Variants in RBM47 observed in about 807,000 individuals in gnomAD.
The protein encoded by RBM47 is RNA binding motif protein 47, also known as RNA-binding protein 47.
A neutral mutation model predicts 47.1 loss-of-function variants in RBM47; 21 were observed. The observed-to-expected ratio is 0.45, with a 90% CI of 0.32 to 0.64. The LOEUF (loss-of-function observed/expected upper bound fraction) is 0.64. RBM47 is among the 30% of genes least tolerant of loss of function. The pLI is 0.05. For missense variants in RBM47, 708 were observed against 870.9 expected, an observed-to-expected ratio of 0.81 and a Z score of 2.35; for synonymous variants, 375 against 361.7, an observed-to-expected ratio of 1.04 and a Z score of -0.42.
intron 1 of RBM47, among the ~76,000 whole-genome samples, chr4:40,581,411 A>C (rs1315413223): frequency 6.7e-6 from 1 of 150,022 alleles, no homozygotes; most frequent in Non-Finnish European, 1.5e-5. Flanking sequence ...ACAGAGCGAG[A>C]ACTTGTCTCA....
intron 1 of RBM47, among the ~76,000 whole-genome samples, chr4:40,566,060 C>G (rs1343793471): frequency 6.6e-6 from 1 of 151,720 alleles, no homozygotes; most frequent in East Asian, 1.9e-4. Flanking sequence ...AGAGCAAGAC[C>G]CTGTCTCAAC....
intron 3 of RBM47, among the ~76,000 whole-genome samples, chr4:40,447,809 G>A (rs1213895544): frequency 2.6e-5 from 4 of 152,156 alleles, no homozygotes; most frequent in Admixed American, 2.0e-4. Flanking sequence ...AGGAGATCGA[G>A]ACCATCCTGG....
chr4:40,577,887 T>C (rs1732493238), intron 1 of RBM47, among the ~76,000 whole-genome samples: 2 of 152,182 alleles, frequency 1.3e-5, no homozygotes, highest in African/African-American at 4.8e-5. Flanking sequence ...GGTGCGTGCG[T>C]GTAGTCCCAG....
chr4:40,622,182 T>C (rs1394928584), intron 1 of RBM47, among the ~76,000 whole-genome samples: 2 of 152,132 alleles, frequency 1.3e-5, no homozygotes, highest in East Asian at 1.9e-4. Flanking sequence ...AGACAGATAA[T>C]AGGTCACACA....
At chr4:40,481,514 C>G (rs1720420313) in intron 2 of RBM47, among the ~76,000 whole-genome samples, 1 of 146,930 alleles carries the variant, frequency 6.8e-6, no homozygotes, top group African/African-American at 2.5e-5. Context: ...GAGATGTACT[C>G]AAGCCCTGGG....
At chr4:40,598,848 CAAA>C (rs34007215) in intron 1 of RBM47, among the ~76,000 whole-genome samples, 84,942 of 137,818 alleles carry the variant, frequency 0.62, 26,547 homozygotes, top group Non-Finnish European at 0.71. Flanking sequence ...CTTGTAAAAC[CAAA>C]AAAAAAAAAA....
Position 40,438,736 on chromosome 4 carries a change from C to T in RBM47, c.158G>A (p.Arg53His). Residue 53 changes from arginine to histidine, a missense_variant, in exon 4 of 7, where the codon CGC (arginine) becomes CAC (histidine). Arg to His is a conservative substitution (Grantham distance 29, BLOSUM62 0). Coordinates refer to ENST00000295971, the MANE Select transcript of RBM47 (RefSeq NM_001098634.2). Reference sequence around the variant, plus strand: ...GCCGGGCGGTGGGCCGCCGTACTTGCGCTGCCCGTTCTCTTGCACCATGCT... The same window carrying T: ...GCCGGGCGGTGGGCCGCCGTACTTGTGCTGCCCGTTCTCTTGCACCATGCT... Reference protein sequence around the residue: ...GYSMVQENGQRKYGGPPPGWE... With the variant: ...GYSMVQENGQHKYGGPPPGWE... 2.5e-6 allele frequency: 4 copies of T among 1,602,740 alleles called. No homozygotes were observed. Among genetic ancestry groups the T allele is most frequent in the Non-Finnish European group, 2.5e-6 (3 of 1,176,744 alleles).
At position 40,629,545 on chromosome 4, in the gene RBM47, A is replaced by T. The variant is rs1456452609; in HGVS notation, c.-389T>A. The stretch of plus-strand genomic sequence containing the variant: ...AAACCAAAATAAGGAGTGTCCAGCG[A>T]CTCCCCACCGCGCCGCTTAAAGCAA... On this transcript the variant is annotated 5_prime_UTR_variant, in exon 1 of 7. Transcript: ENST00000295971. 1.3e-5 allele frequency: 2 copies of T among 150,930 alleles called. No homozygotes were observed. Among genetic ancestry groups the T allele is most frequent in the African/African-American group, 4.9e-5 (2 of 40,962 alleles). The allele number at this position is 150,930 out of a possible 1,614,324, so 9.3% of individuals were successfully genotyped here. A position where few individuals can be genotyped will look rare whatever the true frequency, so the allele number is the denominator to read the frequency against.
chr4:40,484,136 T>C (rs1720781948), intron 2 of RBM47, among the ~76,000 whole-genome samples: 1 of 152,306 alleles, frequency 6.6e-6, no homozygotes, highest in Admixed American at 6.5e-5. Flanking sequence ...TTATGTAGGG[T>C]ACAATTTCTA....
intron 2 of RBM47, among the ~76,000 whole-genome samples, chr4:40,487,365 G>A (rs1032955649): frequency 3.9e-5 from 6 of 151,976 alleles, no homozygotes; most frequent in African/African-American, 1.5e-4. Flanking sequence ...GCGCGATCTC[G>A]GCTCACTGCA....
intron 2 of RBM47, among the ~76,000 whole-genome samples, chr4:40,484,318 C>A (rs144928271): frequency 3.1e-4 from 47 of 152,194 alleles, no homozygotes; most frequent in Admixed American, 1.2e-3. Flanking sequence ...TTTGATAAAA[C>A]GAACCTATTT....
chr4:40,603,487 T>C (rs4861279), intron 1 of RBM47, among the ~76,000 whole-genome samples: 44,754 of 152,038 alleles, frequency 0.29, 7,763 homozygotes, highest in Non-Finnish European at 0.37. Context: ...ATCACTGAGT[T>C]ATAATGTACA....
chr4:40,457,126 A>T lies in RBM47; in HGVS notation c.-32+9451T>A, dbSNP rs553922245. ...AAAAGATAGAATTTTAAAAAATTTT[A>T]AAATTTGTGGGGGTCGGGCGTGGTG... On this transcript the variant is annotated intron_variant, in intron 3 of 6. Coordinates refer to ENST00000295971, the MANE Select transcript of RBM47 (RefSeq NM_001098634.2). 2.6e-5 allele frequency among the ~76,000 whole-genome samples: 4 copies of T among 152,134 alleles called. No individual in the cohort carries two copies. In the South Asian group the frequency reaches 8.3e-4, roughly 32 times the overall value.
intron 2 of RBM47, among the ~76,000 whole-genome samples, chr4:40,522,137 A>G (rs898457651): frequency 2.0e-5 from 3 of 152,256 alleles, no homozygotes; most frequent in Non-Finnish European, 4.4e-5. Flanking sequence ...AAGATGGGCC[A>G]ACCAATTTTA....
intron 3 of RBM47, among the ~76,000 whole-genome samples, chr4:40,456,273 G>A (rs944068611): frequency 6.6e-6 from 1 of 152,174 alleles, no homozygotes; most frequent in African/African-American, 2.4e-5. Context: ...AGGTTTAAGA[G>A]AGAAACCCGG....
chr4:40,491,476 A>C (rs1193192400), intron 2 of RBM47, among the ~76,000 whole-genome samples: 1 of 152,192 alleles, frequency 6.6e-6, no homozygotes, highest in Non-Finnish European at 1.5e-5. Context: ...AAAAGAAAAA[A>C]TAATGAAATT....
intron 3 of RBM47, among the ~76,000 whole-genome samples, chr4:40,460,287 C>CCACAA (rs1716917886): frequency 6.7e-6 from 1 of 149,998 alleles, no homozygotes; most frequent in Non-Finnish European, 1.5e-5. Context: ...CTCAGGAATT[C>CCACAA]GGTAGAGATT....
rs556422003 is a variant in RBM47, at chr4:40,470,204, A to T, written c.-154-3505T>A. On this transcript the variant is annotated intron_variant, in intron 2 of 6. Coordinates refer to ENST00000295971, the MANE Select transcript of RBM47 (RefSeq NM_001098634.2). ...TGGTTTCCAGACATTAATGGCGTTA[A>T]TTCATTCCAGCTCCCCCCGCCCCCC... Among the ~76,000 whole-genome samples the T allele has an allele frequency of 6.6e-5, 10 of 152,174 alleles. No homozygotes were observed. In the South Asian group the frequency reaches 2.1e-3, roughly 32 times the overall value.
At chr4:40,548,310 G>A (rs980095822) in intron 1 of RBM47, among the ~76,000 whole-genome samples, 2 of 152,220 alleles carry the variant, frequency 1.3e-5, no homozygotes, top group African/African-American at 2.4e-5. Flanking sequence ...GAACGACAAT[G>A]AGCTGAGCAC....
Sources: gnomAD v4.1 joint callset for allele counts (sites outside exome capture counted in the v4.1 genomes callset) on GRCh38, gnomAD v4.1.1 for gene constraint, MANE v1.5 for transcripts, NCBI Gene and HGNC (gene_info 2026-07-23, HGNC 2026-07-21) for gene names.